CPQ: variants seen among roughly 807,000 people sequenced by gnomAD.
CPQ encodes the protein Ser-Met dipeptidase.
CPQ carries 37 observed loss-of-function variants against 45.7 expected under a neutral mutation model. That is an observed-to-expected ratio of 0.81 (90% CI 0.62 to 1.07). CPQ has a LOEUF of 1.07. Among genes scored for constraint, CPQ ranks in the 50% least tolerant of loss-of-function variants. The pLI, the probability that CPQ is intolerant of heterozygous loss-of-function variation, is 0.00. For missense variants in CPQ, 537 were observed against 572.9 expected, an observed-to-expected ratio of 0.94 and a Z score of 0.64; for synonymous variants, 186 against 205.8, an observed-to-expected ratio of 0.90 and a Z score of 0.82.
In CPQ at chr8:97,023,940, C is replaced by T. The variant is rs75408671; in HGVS notation, c.962-5463C>T. On this transcript the variant is annotated intron_variant, in intron 5 of 7. Transcript: ENST00000220763. ...TGCTATATGGCACCATTTGCACATC[C>T]GTGTCACAGGGTACCCATTTTGGGT... Among the ~76,000 whole-genome samples, 33 of 152,282 alleles carry T rather than the reference C, an allele frequency of 2.2e-4. 1 individual carries two copies. In the East Asian group the frequency reaches 4.1e-3, roughly 19 times the overall value.
intron 1 of CPQ, among the ~76,000 whole-genome samples, chr8:96,651,210 C>T (rs1381118311): frequency 1.3e-5 from 2 of 152,208 alleles, no homozygotes; most frequent in Non-Finnish European, 2.9e-5. Flanking sequence ...TGGGGCAAAA[C>T]TCAGCTGGGA....
At chr8:97,042,391 T>C (rs1810144892) in intron 6 of CPQ, among the ~76,000 whole-genome samples, 1 of 152,144 alleles carries the variant, frequency 6.6e-6, no homozygotes, top group Non-Finnish European at 1.5e-5. Flanking sequence ...TCTTTATTAG[T>C]CTTGCTAGCA....
At chr8:96,810,491 T>C (rs1221689917) in intron 2 of CPQ, among the ~76,000 whole-genome samples, 2 of 152,202 alleles carry the variant, frequency 1.3e-5, no homozygotes, top group African/African-American at 4.8e-5. Context: ...AGATAGAAGA[T>C]GGAGATCTAG....
chr8:96,746,246 A>G (rs1422716580), intron 1 of CPQ, among the ~76,000 whole-genome samples: 2 of 152,266 alleles, frequency 1.3e-5, no homozygotes, highest in East Asian at 3.8e-4. Context: ...AAGCAATGCA[A>G]AAGCTGAGAG....
At chr8:96,752,884 TTTG>T (rs1354691783) in intron 1 of CPQ, among the ~76,000 whole-genome samples, 1 of 152,078 alleles carries the variant, frequency 6.6e-6, no homozygotes, top group Non-Finnish European at 1.5e-5. Context: ...ATTAGTTGTT[TTTG>T]TTCATTTCAT....
In CPQ at chr8:96,742,857, A is replaced by G. The variant is rs946310541; in HGVS notation, c.-34-42007A>G. Among the ~76,000 whole-genome samples the G allele has an allele frequency of 3.4e-3, 522 of 152,148 alleles. 6 individuals carry two copies. Among genetic ancestry groups the G allele is most frequent in the Non-Finnish European group, 3.0e-3 (201 of 68,000 alleles). Reference sequence around the variant, plus strand: ...TGCCGAGAGATCTGCTGTTAGTCTGATGGGCTTCCCTTTGAGGGTAACCCG... The same window carrying G: ...TGCCGAGAGATCTGCTGTTAGTCTGGTGGGCTTCCCTTTGAGGGTAACCCG... On this transcript the variant is annotated intron_variant, in intron 1 of 7. Coordinates refer to ENST00000220763, the MANE Select transcript of CPQ (RefSeq NM_016134.4).
At chr8:97,096,657 T>C (rs1811214996) in intron 7 of CPQ, among the ~76,000 whole-genome samples, 1 of 152,132 alleles carries the variant, frequency 6.6e-6, no homozygotes, top group African/African-American at 2.4e-5. Flanking sequence ...GTGCATGAGA[T>C]TTGAAGGGTA....
intron 1 of CPQ, among the ~76,000 whole-genome samples, chr8:96,648,946 T>A (rs1466288725): frequency 6.6e-6 from 1 of 152,200 alleles, no homozygotes; most frequent in African/African-American, 2.4e-5. Context: ...TTATTTAAAC[T>A]TTATCACAGT....
At chr8:96,869,182 A>G (rs1812033152) in intron 3 of CPQ, among the ~76,000 whole-genome samples, 1 of 151,962 alleles carries the variant, frequency 6.6e-6, no homozygotes, top group South Asian at 2.1e-4. Flanking sequence ...TTTGTTAATC[A>G]TATTTTGGCT....
At chr8:96,802,988 C>G (rs1811026000) in intron 2 of CPQ, among the ~76,000 whole-genome samples, 1 of 140,220 alleles carries the variant, frequency 7.1e-6, no homozygotes. Flanking sequence ...GAAACAGAAG[C>G]ATACACACAC....
At chr8:96,932,152 T>A (rs2130919359) in intron 4 of CPQ, among the ~76,000 whole-genome samples, 1 of 152,166 alleles carries the variant, frequency 6.6e-6, no homozygotes, top group African/African-American at 2.4e-5. Flanking sequence ...CTTTGCTATG[T>A]TTTCATCAGA....
chr8:96,786,534 G>T (rs1810770655), intron 2 of CPQ, among the ~76,000 whole-genome samples: 1 of 152,068 alleles, frequency 6.6e-6, no homozygotes, highest in Non-Finnish European at 1.5e-5. Flanking sequence ...TTTCTCTTGG[G>T]CATATACCAA....
intron 4 of CPQ, among the ~76,000 whole-genome samples, chr8:96,886,339 T>A (rs1812307011): frequency 6.6e-6 from 1 of 152,200 alleles, no homozygotes; most frequent in Non-Finnish European, 1.5e-5. Flanking sequence ...TGGTTGAGAA[T>A]AAATCCGAGT....
At chr8:96,897,022 T>A (rs1157097590) in intron 4 of CPQ, among the ~76,000 whole-genome samples, 1 of 152,188 alleles carries the variant, frequency 6.6e-6, no homozygotes, top group East Asian at 1.9e-4. Context: ...ACCATTACTC[T>A]TTCTGCACCA....
chr8:96,762,625 C>T (rs568569156), intron 1 of CPQ, among the ~76,000 whole-genome samples: 3 of 152,268 alleles, frequency 2.0e-5, no homozygotes, highest in African/African-American at 7.2e-5. Context: ...CTCTCTGCCC[C>T]ACTTCCCAAG....
chr8:96,647,553 T>C (rs978628986), intron 1 of CPQ, among the ~76,000 whole-genome samples: 1 of 152,192 alleles, frequency 6.6e-6, no homozygotes, highest in African/African-American at 2.4e-5. Flanking sequence ...CTCAAGCAGA[T>C]GGAAACAGGG....
chr8:96,831,752 T>C (rs2130846233), intron 2 of CPQ, among the ~76,000 whole-genome samples: 1 of 152,286 alleles, frequency 6.6e-6, no homozygotes. Flanking sequence ...CTCACATCTG[T>C]TATTGGACTT....
chr8:97,081,029 G>C (rs1056382395), intron 7 of CPQ, among the ~76,000 whole-genome samples: 7 of 151,476 alleles, frequency 4.6e-5, no homozygotes, highest in Non-Finnish European at 1.0e-4. Flanking sequence ...GAAACATAGC[G>C]TGGACTTCAC....
chr8:97,089,858 C>T (rs766392119), intron 7 of CPQ, among the ~76,000 whole-genome samples: 7 of 152,110 alleles, frequency 4.6e-5, no homozygotes, highest in East Asian at 1.9e-4. Flanking sequence ...AGCGCAAAGA[C>T]TCCTGAGCCC....
Sources: allele counts gnomAD v4.1 joint callset (sites outside exome capture counted in the v4.1 genomes callset), GRCh38; gene constraint gnomAD v4.1.1; transcripts MANE v1.5; gene names NCBI Gene and HGNC (gene_info 2026-07-23, HGNC 2026-07-21).